GCN1: variants seen among roughly 807,000 people sequenced by gnomAD.
The protein encoded by GCN1 is stalled ribosome sensor GCN1.
In GCN1, 90 loss-of-function variants were observed where a neutral mutation model predicts 288.4. That is an observed-to-expected ratio of 0.31 (90% CI 0.26 to 0.37). The LOEUF is 0.37. Among genes scored for constraint, GCN1 ranks in the 10% least tolerant of loss-of-function variants. The pLI, the probability that GCN1 is intolerant of heterozygous loss-of-function variation, is 1.00. For missense variants in GCN1, 2,586 were observed against 3,419.9 expected (o/e 0.76, Z 6.08); for synonymous variants, 1,386 against 1,420.2 (o/e 0.98, Z 0.54).
At chr12:120,164,812 AAATT>A in intron 16 of GCN1, 91 bp from the exon 17 acceptor site, 1 of 779,826 alleles carries the variant, frequency 1.3e-6, no homozygotes, top group Non-Finnish European at 2.2e-6. Flanking sequence ...AATGAACTGA[AAATT>A]AACACCAAAA....
chr12:120,186,149 G>T (rs1878813653), intron 2 of GCN1, among the ~76,000 whole-genome samples: 1 of 151,680 alleles, frequency 6.6e-6, no homozygotes, highest in Non-Finnish European at 1.5e-5. Flanking sequence ...GACCAGCCTG[G>T]CCAACACGGT....
chr12:120,170,021 A>C, intron 15 of GCN1, 148 bp downstream of exon 15: 1 of 696,402 alleles, frequency 1.4e-6, no homozygotes, highest in Non-Finnish European at 2.5e-6. Context: ...CCATGCAACC[A>C]TGAGGTTCAT....
At chr12:120,168,076 A>T in intron 16 of GCN1, 132 bp downstream of exon 16, 1 of 682,708 alleles carries the variant, frequency 1.5e-6, no homozygotes. Context: ...ACAACAGCTA[A>T]GCTGTTGGCC....
chr12:120,132,106 G>A (rs555735338), intron 53 of GCN1, 84 bp from the exon 54 acceptor site: 3 of 852,842 alleles, frequency 3.5e-6, no homozygotes, highest in East Asian at 5.3e-5. Context: ...CTAGAGCCCA[G>A]GATGGACAGC....
chr12:120,141,207 C>T (rs1311723458), intron 44 of GCN1, among the ~76,000 whole-genome samples, 184 bp from the exon 45 acceptor site: 1 of 152,018 alleles, frequency 6.6e-6, no homozygotes, highest in African/African-American at 2.4e-5. Flanking sequence ...AAAACACTAC[C>T]AAAAAATTAT....
In GCN1 at chr12:120,142,483, CA is replaced by C; in HGVS notation, c.5829+23del. 5.6e-6 allele frequency: 9 copies of C among 1,596,412 alleles called. No individual in the cohort carries two copies. The highest frequency in any genetic ancestry group is 7.7e-6 in the Non-Finnish European group (9 of 1,164,664). Reference sequence around the variant, plus strand: ...AAAGGAGGCACTGGGGCTGCTGGTCCAAAACAAGGCCCAGGAAACTCACCGT... The same window carrying C: ...AAAGGAGGCACTGGGGCTGCTGGTCCAAACAAGGCCCAGGAAACTCACCGT... On this transcript the variant is annotated intron_variant, in intron 44 of 57. Coordinates refer to ENST00000300648, the MANE Select transcript of GCN1 (RefSeq NM_006836.2). The surrounding 1 kb of genome is among the most constrained non-coding windows in gnomAD (Gnocchi z 4.9).
At position 120,175,154 on chromosome 12, in the gene GCN1, T is replaced by TAAAA; in HGVS notation, c.1093+7_1093+8insTTTT. 2.9e-6 allele frequency: 3 copies of TAAAA among 1,029,834 alleles called. No homozygotes were observed. Among genetic ancestry groups the TAAAA allele is most frequent in the Non-Finnish European group, 2.9e-6 (2 of 683,594 alleles). The allele number at this position is 1,029,834 out of a possible 1,614,324, so 63.8% of individuals were successfully genotyped here. A position where few individuals can be genotyped will look rare whatever the true frequency, so the allele number is the denominator to read the frequency against. On this transcript the variant is annotated splice_region_variant and intron_variant, in intron 12 of 57. Transcript: ENST00000300648. The stretch of plus-strand genomic sequence containing the variant: ...AAAAAAAAAAAAAAAAAAAAAGAAA[T>TAAAA]CCTATACCTGAGAGGACGCTCATCT...
chr12:120,190,019 T>C (rs928453262), intron 2 of GCN1, among the ~76,000 whole-genome samples: 12 of 151,736 alleles, frequency 7.9e-5, no homozygotes, highest in Non-Finnish European at 1.5e-4. Flanking sequence ...ACAAAATTTA[T>C]TTTTGATATG....
intron 57 of GCN1, 48 bp from the exon 58 acceptor site, chr12:120,128,022 G>A (rs769184529): frequency 2.5e-6 from 4 of 1,596,766 alleles, no homozygotes. Flanking sequence ...ACATACGGCT[G>A]CCACGTTCTC....
In GCN1 at chr12:120,144,187, G is replaced by A; in HGVS notation, c.5495+119C>T. The A allele has an allele frequency of 1.9e-6, 2 of 1,080,528 alleles. No individual in the cohort carries two copies. The highest frequency in any genetic ancestry group is 2.8e-6 in the Non-Finnish European group (2 of 715,924). 66.9% of individuals were successfully genotyped at this position (1,080,528 alleles called of 1,614,324 possible). On this transcript the variant is annotated intron_variant, in intron 42 of 57. Coordinates refer to ENST00000300648, the MANE Select transcript of GCN1 (RefSeq NM_006836.2). The surrounding 1 kb of genome is among the most constrained non-coding windows in gnomAD (Gnocchi z 4.7). Reference sequence around the variant, plus strand: ...GACAGGGTCTCACTATGTTGCCAGGGCTCATCGTAAACTCCTGGGTTTAAG... The same window carrying A: ...GACAGGGTCTCACTATGTTGCCAGGACTCATCGTAAACTCCTGGGTTTAAG...
Position 120,137,173 on chromosome 12 carries a change from GC to G in GCN1, c.6777+32del, listed in dbSNP as rs1566298401. 6.7e-7 allele frequency: 1 copy of G among 1,484,504 alleles called. No individual in the cohort carries two copies. Among genetic ancestry groups the G allele is most frequent in the South Asian group, 1.1e-5 (1 of 88,494 alleles). 92.0% of individuals were successfully genotyped at this position (1,484,504 alleles called of 1,614,324 possible). A position where few individuals can be genotyped will look rare whatever the true frequency, so the allele number is the denominator to read the frequency against. On this transcript the variant is annotated intron_variant, in intron 50 of 57. Coordinates refer to ENST00000300648, the MANE Select transcript of GCN1 (RefSeq NM_006836.2). The surrounding 1 kb of genome is among the most constrained non-coding windows in gnomAD (Gnocchi z 5.2). ...GCCAGAAGGGCACAACAGACTGCAC[GC>G]CCACAGCCCCCTGCACGAGGCCCTG...
Position 120,155,470 on chromosome 12 carries a change from CT to C in GCN1, c.3441-41del. The C allele has an allele frequency of 1.2e-6, 2 of 1,604,578 alleles. No homozygotes were observed. Among genetic ancestry groups the C allele is most frequent in the Non-Finnish European group, 1.7e-6 (2 of 1,172,644 alleles). On this transcript the variant is annotated intron_variant, in intron 29 of 57. Transcript: ENST00000300648. This position sits in a 1 kb window ranked among gnomAD's most constrained non-coding sequence, Gnocchi z 4.9. ...AGGCAGGGGCTGCTTAGACAAAGAT[CT>C]GCAGCACTTGCCCTGCCAGCCCAGC...
In GCN1 at chr12:120,161,713, C is replaced by T. The variant is rs905871787; in HGVS notation, c.2343-130G>A. On this transcript the variant is annotated intron_variant, in intron 21 of 57. Transcript: ENST00000300648. ...AGCACAGTGCCGGATACTGGACACA[C>T]TTAAATACCCAGGACCTAAGCACCG... The T allele has an allele frequency of 4.5e-6, 4 of 898,124 alleles. No homozygotes were observed. The Admixed American group carries it at 6.1e-5, about 14-fold the overall frequency. The allele number at this position is 898,124 out of a possible 1,614,324, so 55.6% of individuals were successfully genotyped here. A position where few individuals can be genotyped will look rare whatever the true frequency, so the allele number is the denominator to read the frequency against.
intron 42 of GCN1, among the ~76,000 whole-genome samples, chr12:120,143,644 C>T (rs1009638438): frequency 1.3e-5 from 2 of 151,910 alleles, no homozygotes; most frequent in African/African-American, 4.8e-5. Context: ...AATCAACCTC[C>T]AATTTTTCAA....
At chr12:120,186,887 C>CA (rs1329751258) in intron 2 of GCN1, among the ~76,000 whole-genome samples, 1 of 152,204 alleles carries the variant, frequency 6.6e-6, no homozygotes, top group Non-Finnish European at 1.5e-5. Context: ...GTAAGTGGCA[C>CA]AGCCCATCTG....
chr12:120,171,155 A>AC (rs1878302654), intron 14 of GCN1, among the ~76,000 whole-genome samples: 1 of 150,736 alleles, frequency 6.6e-6, no homozygotes. Context: ...AAAAAAAAAA[A>AC]AAAGAGAAAC....
Position 120,148,483 on chromosome 12 carries a change from GA to G in GCN1, c.4547-138del, listed in dbSNP as rs759299357. The G allele has an allele frequency of 4.1e-5, 28 of 680,344 alleles. No homozygotes were observed. In the Middle Eastern group the frequency reaches 9.8e-4, roughly 24 times the overall value. 42.1% of individuals were successfully genotyped at this position (680,344 alleles called of 1,614,324 possible). A position where few individuals can be genotyped will look rare whatever the true frequency, so the allele number is the denominator to read the frequency against. ...TCAAGCAGTCACTGGGAGGAGGGGA[GA>G]GGGGGCTGGCTCTAGCAGAGGGGTC... On this transcript the variant is annotated intron_variant, in intron 36 of 57. Coordinates refer to ENST00000300648, the MANE Select transcript of GCN1 (RefSeq NM_006836.2).
chr12:120,150,446 T>G (rs1877505206), intron 34 of GCN1, among the ~76,000 whole-genome samples: 1 of 146,188 alleles, frequency 6.8e-6, no homozygotes, highest in Non-Finnish European at 1.5e-5. Context: ...AATACAAAAA[T>G]TAGCTGGGTA....
chr12:120,134,929 T>C lies in GCN1; in HGVS notation c.7009-203A>G, dbSNP rs1372857610. ...CCTGGTCATATCCAGCATGCTTTGATACACTGGAGGAGCAGGAGGCCGAGG... is the reference window on the plus strand; with the variant it reads ...CCTGGTCATATCCAGCATGCTTTGACACACTGGAGGAGCAGGAGGCCGAGG... On this transcript the variant is annotated intron_variant, in intron 51 of 57. Transcript: ENST00000300648. This position sits in a 1 kb window ranked among gnomAD's most constrained non-coding sequence, Gnocchi z 5.0. Among the ~76,000 whole-genome samples, 1 of 152,176 alleles carries C rather than the reference T, an allele frequency of 6.6e-6. No individual in the cohort carries two copies. The highest frequency in any genetic ancestry group is 1.5e-5 in the Non-Finnish European group (1 of 68,036).
Sources: allele counts gnomAD v4.1 joint callset (sites outside exome capture counted in the v4.1 genomes callset), GRCh38; gene constraint gnomAD v4.1.1; non-coding constraint Gnocchi (gnomAD v3.1); transcripts MANE v1.5; gene names NCBI Gene and HGNC (gene_info 2026-07-23, HGNC 2026-07-21).